Variants in IPO9 observed in about 807,000 individuals in gnomAD.
IPO9 encodes importin-9.
IPO9 carries 28 observed loss-of-function variants against 128.6 expected under a neutral mutation model. The ratio of observed to expected loss-of-function variants is 0.22; its 90% CI spans 0.16 to 0.30. The LOEUF (loss-of-function observed/expected upper bound fraction) is 0.30, where lower values mean the gene tolerates loss of function less well. Among genes scored for constraint, IPO9 ranks in the 10% least tolerant of loss-of-function variants. The pLI, the probability that IPO9 is intolerant of heterozygous loss-of-function variation, is 1.00. For missense variants in IPO9, 935 were observed against 1,293.9 expected (o/e 0.72, Z 4.26); for synonymous variants, 455 against 475.8 (o/e 0.96, Z 0.57).
chr1:201,863,411 C>G (rs954027828), intron 13 of IPO9, 37 bp from the exon 14 acceptor site: 2 of 1,504,880 alleles, frequency 1.3e-6, no homozygotes, highest in Non-Finnish European at 1.8e-6. Context: ...AAGGAATTTT[C>G]ATTTTCCAGC....
At chr1:201,833,781 TTTTC>T (rs934095474) in intron 1 of IPO9, among the ~76,000 whole-genome samples, 50 of 152,106 alleles carry the variant, frequency 3.3e-4, no homozygotes, top group South Asian at 2.9e-3. Flanking sequence ...AACCTTTCAT[TTTTC>T]TTTCTTTCTT....
At chr1:201,862,529 G>T (rs1211888124) in intron 13 of IPO9, among the ~76,000 whole-genome samples, 1 of 152,026 alleles carries the variant, frequency 6.6e-6, no homozygotes, top group East Asian at 1.9e-4. Context: ...TTAAGTGGGC[G>T]GGTACCATGG....
intron 1 of IPO9, among the ~76,000 whole-genome samples, chr1:201,845,031 G>C (rs200864077): frequency 1.2e-4 from 18 of 151,144 alleles, no homozygotes; most frequent in South Asian, 2.1e-4. Flanking sequence ...TGGGAGGGGG[G>C]GGCGTACAGA....
Position 201,859,208 on chromosome 1 carries a change from A to ATATATATATATTTATAT in IPO9, c.1468+214_1468+215insTATATATATATTTATAT, listed in dbSNP as rs1553290975. On this transcript the variant is annotated intron_variant, in intron 13 of 23. Transcript: ENST00000361565. Reference sequence around the variant, plus strand: ...ATATATATATATATATATATATATAAAGGAAACTCTTTAAACCTGTCATTA... The same window carrying ATATATATATATTTATAT: ...ATATATATATATATATATATATATAATATATATATATTTATATAGGAAACTCTTTAAACCTGTCATTA... 4.0e-5 allele frequency among the ~76,000 whole-genome samples: 3 copies of ATATATATATATTTATAT among 74,436 alleles called. No individual in the cohort carries two copies. In the South Asian group the frequency reaches 1.5e-3, roughly 37 times the overall value. 48.8% of individuals were successfully genotyped at this position (74,436 alleles called of 152,430 possible).
Position 201,870,970 on chromosome 1 carries a change from T to C in IPO9, c.2409+112T>C. 1.5e-6 allele frequency: 2 copies of C among 1,359,732 alleles called. No individual in the cohort carries two copies. The highest frequency in any genetic ancestry group is 2.0e-6 in the Non-Finnish European group (2 of 1,005,774). The allele number at this position is 1,359,732 out of a possible 1,614,324, so 84.2% of individuals were successfully genotyped here. A position where few individuals can be genotyped will look rare whatever the true frequency, so the allele number is the denominator to read the frequency against. ...CCCTCTTACTAGCCTTGTAGGACAG[T>C]TAAGTAAAATGGGACCTGTCTGATC... On this transcript the variant is annotated intron_variant, in intron 18 of 23. Transcript: ENST00000361565. This position sits in a 1 kb window ranked among gnomAD's most constrained non-coding sequence, Gnocchi z 4.9.
intron 1 of IPO9, among the ~76,000 whole-genome samples, chr1:201,833,227 A>AT (rs5780090): frequency 0.22 from 32,946 of 147,178 alleles, 3,837 homozygotes; most frequent in Non-Finnish European, 0.28. Context: ...TCCTGGAATG[A>AT]TTTTTTTTTT....
rs1470089844 is a variant in IPO9, at chr1:201,878,587, C to T, written c.*2533C>T. On this transcript the variant is annotated 3_prime_UTR_variant, in exon 24 of 24. Transcript: ENST00000361565. ...TCCTGAGGAAAGGGCCCTAGTAACA[C>T]TTAAGGGCTACCCCTGGCTAACAGA... The T allele has an allele frequency of 6.6e-6, 1 of 152,660 alleles. No individual in the cohort carries two copies. Among genetic ancestry groups the T allele is most frequent in the Non-Finnish European group, 1.5e-5 (1 of 68,070 alleles). The allele number at this position is 152,660 out of a possible 1,614,324, so 9.5% of individuals were successfully genotyped here.
At chr1:201,864,544 C>G (rs553915509) in intron 14 of IPO9, among the ~76,000 whole-genome samples, 39 of 152,164 alleles carry the variant, frequency 2.6e-4, no homozygotes, top group Non-Finnish European at 5.3e-4. Flanking sequence ...TGTTTAGCTT[C>G]TGACCTTAGT....
rs1274674305 is a variant in IPO9 at position 201,882,912 on chromosome 1, A to G, written c.*6858A>G. Reference sequence around the variant, plus strand: ...TATCCCCCACCCATAGCTGGGAGCTATGTTTGGCTCATTCTTCCTGACTCA... The same window carrying G: ...TATCCCCCACCCATAGCTGGGAGCTGTGTTTGGCTCATTCTTCCTGACTCA... On this transcript the variant is annotated 3_prime_UTR_variant, in exon 24 of 24. Transcript: ENST00000361565. The G allele has an allele frequency of 6.6e-6, 1 of 152,644 alleles. No individual in the cohort carries two copies. The highest frequency in any genetic ancestry group is 1.5e-5 in the Non-Finnish European group (1 of 68,046). The allele number at this position is 152,644 out of a possible 1,614,324, so 9.5% of individuals were successfully genotyped here.
chr1:201,829,800 G>A (rs1375268741), intron 1 of IPO9, among the ~76,000 whole-genome samples: 1 of 152,034 alleles, frequency 6.6e-6, no homozygotes, highest in Non-Finnish European at 1.5e-5. Flanking sequence ...AGTGGTGAAG[G>A]GTAGGGCCTC....
intron 14 of IPO9, among the ~76,000 whole-genome samples, chr1:201,864,734 T>C (rs1360399922): frequency 6.6e-6 from 1 of 152,236 alleles, no homozygotes; most frequent in Admixed American, 6.5e-5. Context: ...CTTACCAACA[T>C]TGATTCTCTC....
chr1:201,875,884 T>C, intron 23 of IPO9, 60 bp from the exon 24 acceptor site: 2 of 1,027,414 alleles, frequency 1.9e-6, no homozygotes, highest in Non-Finnish European at 3.1e-6. Context: ...TGGTTCTTGC[T>C]CCACTGCAAA....
chr1:201,863,431 T>A lies in IPO9; in HGVS notation c.1469-17T>A, dbSNP rs184389099. The A allele has an allele frequency of 3.9e-6, 6 of 1,554,458 alleles. No homozygotes were observed. The highest frequency in any genetic ancestry group is 4.4e-6 in the Non-Finnish European group (5 of 1,135,816). On this transcript the variant is annotated splice_polypyrimidine_tract_variant and intron_variant, in intron 13 of 23. Coordinates refer to ENST00000361565, the MANE Select transcript of IPO9 (RefSeq NM_018085.5). ...ATTTTCATTTTCCAGCCCCTAATTGTTCTGTCTTTCTCCCAGTGTCTCCTT... is the reference window on the plus strand; with the variant it reads ...ATTTTCATTTTCCAGCCCCTAATTGATCTGTCTTTCTCCCAGTGTCTCCTT...
chr1:201,841,931 A>G lies in IPO9; in HGVS notation c.164-5348A>G, dbSNP rs145090384. On this transcript the variant is annotated intron_variant, in intron 1 of 23. Transcript: ENST00000361565. ...GCTCTCACACTACAACAGTCAACAC[A>G]GAAGACTTCTGTGATCTCAAAAATA... Among the ~76,000 whole-genome samples, 31 of 152,362 alleles carry G rather than the reference A, an allele frequency of 2.0e-4. 1 individual carries two copies. The highest frequency in any genetic ancestry group is 6.3e-4 in the African/African-American group (26 of 41,586).
intron 10 of IPO9, among the ~76,000 whole-genome samples, chr1:201,856,568 A>G (rs1168770343): frequency 6.6e-6 from 1 of 152,254 alleles, no homozygotes; most frequent in Non-Finnish European, 1.5e-5. Flanking sequence ...AGATTCTAAA[A>G]GAGAGCAATA....
At chr1:201,868,614 G>T in intron 15 of IPO9, 34 bp from the exon 16 acceptor site, 2 of 1,596,062 alleles carry the variant, frequency 1.3e-6, no homozygotes, top group Non-Finnish European at 1.7e-6. Flanking sequence ...AGACCATCAG[G>T]CAGGGGGATT....
chr1:201,879,793 C>G lies in IPO9; in HGVS notation c.*3739C>G, dbSNP rs571304005. On this transcript the variant is annotated 3_prime_UTR_variant, in exon 24 of 24. Transcript: ENST00000361565. Reference sequence around the variant, plus strand: ...GTGGCTCACACCTGTAATCCCAACACTTTGGGAGGCCTAGGTGGGTAAATC... The same window carrying G: ...GTGGCTCACACCTGTAATCCCAACAGTTTGGGAGGCCTAGGTGGGTAAATC... The G allele has an allele frequency of 6.6e-6, 1 of 152,128 alleles. No individual in the cohort carries two copies. Among genetic ancestry groups the G allele is most frequent in the African/African-American group, 2.4e-5 (1 of 41,408 alleles). The allele number at this position is 152,128 out of a possible 1,614,324, so 9.4% of individuals were successfully genotyped here. A position where few individuals can be genotyped will look rare whatever the true frequency, so the allele number is the denominator to read the frequency against.
rs1298134880 is a variant in IPO9, at chr1:201,881,331, A to G, written c.*5277A>G. 3 of 152,234 alleles carry G rather than the reference A, an allele frequency of 2.0e-5. No individual in the cohort carries two copies. Among genetic ancestry groups the G allele is most frequent in the Non-Finnish European group, 4.4e-5 (3 of 68,046 alleles). The allele number at this position is 152,234 out of a possible 1,614,324, so 9.4% of individuals were successfully genotyped here. ...CAGTTTTACAGATTGATGAAACTGA[A>G]GCAGACAGATATTGTTAACCTATCA... On this transcript the variant is annotated 3_prime_UTR_variant, in exon 24 of 24. Transcript: ENST00000361565.
At position 201,877,043 on chromosome 1, in the gene IPO9, A is replaced by G. The variant is rs1003541074; in HGVS notation, c.*989A>G. On this transcript the variant is annotated 3_prime_UTR_variant, in exon 24 of 24. Transcript: ENST00000361565. ...AAGGTAAGTAAAAGTAATGGGGGAA[A>G]GGATTAGGTGGAGCCTGTCTAAACA... 1.3e-5 allele frequency: 2 copies of G among 152,532 alleles called. No individual in the cohort carries two copies. The highest frequency in any genetic ancestry group is 4.8e-5 in the African/African-American group (2 of 41,454). 9.4% of individuals were successfully genotyped at this position (152,532 alleles called of 1,614,324 possible).
Sources: allele counts gnomAD v4.1 joint callset (sites outside exome capture counted in the v4.1 genomes callset), GRCh38; gene constraint gnomAD v4.1.1; non-coding constraint Gnocchi (gnomAD v3.1); transcripts MANE v1.5; gene names NCBI Gene and HGNC (gene_info 2026-07-23, HGNC 2026-07-21).